Variants in SLC9A9 observed in about 807,000 individuals in gnomAD.
The protein encoded by SLC9A9 is sodium/hydrogen exchanger 9.
In SLC9A9, 62 loss-of-function variants were observed where a neutral mutation model predicts 77.8. The observed-to-expected ratio is 0.80, with a 90% CI of 0.65 to 0.98. The LOEUF is 0.98. Ranked by LOEUF, SLC9A9 falls within the 50% of genes least tolerant of loss-of-function variation. SLC9A9 has a pLI of 0.00. For synonymous variants in SLC9A9, 320 were observed against 283.5 expected, an observed-to-expected ratio of 1.13 and a Z score of -1.29; for missense variants, 775 against 774.9, an observed-to-expected ratio of 1.00 and a Z score of 0.00.
At chr3:143,691,945 G>A (rs986961224) in intron 5 of SLC9A9, among the ~76,000 whole-genome samples, 1 of 152,044 alleles carries the variant, frequency 6.6e-6, no homozygotes, top group African/African-American at 2.4e-5. Flanking sequence ...ATAATATGAT[G>A]GATCAGGCTG....
At chr3:143,293,282 G>T (rs979897255) in intron 14 of SLC9A9, among the ~76,000 whole-genome samples, 1 of 152,122 alleles carries the variant, frequency 6.6e-6, no homozygotes, top group African/African-American at 2.4e-5. Context: ...TTCAGGCAGG[G>T]CTTAATAAGT....
chr3:143,697,713 CA>C (rs1560037064), intron 4 of SLC9A9, among the ~76,000 whole-genome samples: 5 of 147,170 alleles, frequency 3.4e-5, no homozygotes, highest in East Asian at 4.1e-4. Flanking sequence ...CACACACACA[CA>C]CCCCACATAC....
At chr3:143,425,814 T>C (rs2034394195) in intron 12 of SLC9A9, among the ~76,000 whole-genome samples, 1 of 152,164 alleles carries the variant, frequency 6.6e-6, no homozygotes, top group Admixed American at 6.5e-5. Flanking sequence ...TTAAAACATT[T>C]TAGAAGGTTC....
chr3:143,429,737 A>AGT (rs1414457618), intron 12 of SLC9A9, among the ~76,000 whole-genome samples: 1 of 144,906 alleles, frequency 6.9e-6, no homozygotes, highest in East Asian at 2.0e-4. Flanking sequence ...GGGGAGGCTG[A>AGT]GTGTGTGTGG....
At chr3:143,667,414 G>A (rs949306295) in intron 5 of SLC9A9, among the ~76,000 whole-genome samples, 16 of 152,200 alleles carry the variant, frequency 1.1e-4, no homozygotes, top group African/African-American at 3.9e-4. Flanking sequence ...TCAGGACATA[G>A]GCATGGGCAA....
chr3:143,414,143 C>T lies in SLC9A9; in HGVS notation c.1470-32029G>A, dbSNP rs184737775. ...GCATTTCAATTCCTCTTTCCCTTTT[C>T]ACAATTCCTGTCACTTGTGTATGTG... On this transcript the variant is annotated intron_variant, in intron 12 of 15. Coordinates refer to ENST00000316549, the MANE Select transcript of SLC9A9 (RefSeq NM_173653.4). 3.3e-5 allele frequency among the ~76,000 whole-genome samples: 5 copies of T among 152,348 alleles called. No individual in the cohort carries two copies. In the East Asian group the frequency reaches 7.7e-4, roughly 23 times the overall value.
At chr3:143,469,224 A>C (rs2035336641) in intron 11 of SLC9A9, among the ~76,000 whole-genome samples, 1 of 152,188 alleles carries the variant, frequency 6.6e-6, no homozygotes, top group African/African-American at 2.4e-5. Context: ...GATGACACTA[A>C]TAAAAATAGA....
At chr3:143,385,640 A>C (rs558414491) in intron 12 of SLC9A9, among the ~76,000 whole-genome samples, 1 of 152,378 alleles carries the variant, frequency 6.6e-6, no homozygotes, top group Non-Finnish European at 1.5e-5. Flanking sequence ...ACTTTTGTGC[A>C]CAAAAGATCA....
At chr3:143,625,164 A>G (rs1450404141) in intron 6 of SLC9A9, among the ~76,000 whole-genome samples, 2 of 152,254 alleles carry the variant, frequency 1.3e-5, no homozygotes, top group African/African-American at 4.8e-5. Context: ...AGGAAGAATC[A>G]ATATTGTGAA....
intron 5 of SLC9A9, among the ~76,000 whole-genome samples, chr3:143,688,027 C>T (rs1384243054): frequency 6.6e-6 from 1 of 151,348 alleles, no homozygotes; most frequent in Non-Finnish European, 1.5e-5. Context: ...TCTCTTTTCC[C>T]TTTTTGCCTC....
intron 12 of SLC9A9, among the ~76,000 whole-genome samples, chr3:143,385,527 A>G (rs371813041): frequency 2.6e-5 from 4 of 152,318 alleles, no homozygotes; most frequent in African/African-American, 9.6e-5. Flanking sequence ...TCTCCTCTTC[A>G]AGAAAGCAAG....
At chr3:143,668,416 C>A (rs7629784) in intron 5 of SLC9A9, among the ~76,000 whole-genome samples, 13,371 of 151,436 alleles carry the variant, frequency 0.088, 607 homozygotes, top group East Asian at 0.11. Flanking sequence ...ACCAACATGG[C>A]GCATGTATAC....
chr3:143,484,789 T>C (rs1362818979), intron 11 of SLC9A9, among the ~76,000 whole-genome samples: 1 of 152,208 alleles, frequency 6.6e-6, no homozygotes, highest in African/African-American at 2.4e-5. Flanking sequence ...GAGGCCTGGG[T>C]TCAACTCAGG....
At chr3:143,669,395 G>T (rs1340147687) in intron 5 of SLC9A9, among the ~76,000 whole-genome samples, 27 of 152,208 alleles carry the variant, frequency 1.8e-4, no homozygotes, top group Admixed American at 1.8e-3. Context: ...GTGAGCCAGA[G>T]AGGTCTGTCA....
intron 4 of SLC9A9, among the ~76,000 whole-genome samples, chr3:143,790,687 T>C (rs967518715): frequency 1.3e-4 from 20 of 152,144 alleles, no homozygotes; most frequent in Admixed American, 4.6e-4. Context: ...TGTAAAATAA[T>C]GATAATAACA....
intron 4 of SLC9A9, among the ~76,000 whole-genome samples, chr3:143,719,990 A>G (rs948228209): frequency 3.3e-5 from 5 of 152,020 alleles, no homozygotes; most frequent in Admixed American, 6.6e-5. Context: ...TTATATAATA[A>G]ATTTACTTTT....
intron 11 of SLC9A9, among the ~76,000 whole-genome samples, chr3:143,492,847 A>G (rs962343988): frequency 1.3e-5 from 2 of 152,230 alleles, no homozygotes; most frequent in Non-Finnish European, 2.9e-5. Flanking sequence ...GTATCCCCCA[A>G]TAACTGCCTC....
intron 2 of SLC9A9, among the ~76,000 whole-genome samples, chr3:143,827,733 G>C (rs914879815): frequency 1.3e-4 from 20 of 152,164 alleles, no homozygotes; most frequent in African/African-American, 4.8e-4. Context: ...CCTGAAGTCA[G>C]AAATTTCATC....
At chr3:143,767,792 CTT>C in intron 4 of SLC9A9, among the ~76,000 whole-genome samples, 2 of 152,282 alleles carry the variant, frequency 1.3e-5, no homozygotes, top group South Asian at 4.1e-4. Context: ...ATCTTTATCA[CTT>C]CACGCATTTC....
Sources: allele counts gnomAD v4.1 joint callset (sites outside exome capture counted in the v4.1 genomes callset), GRCh38; gene constraint gnomAD v4.1.1; transcripts MANE v1.5; gene names NCBI Gene and HGNC (gene_info 2026-07-23, HGNC 2026-07-21).